Variants in CSMD1 observed in about 807,000 individuals in gnomAD.
CSMD1 encodes CUB and Sushi multiple domains 1, also known as CUB and sushi domain-containing protein 1.
CSMD1 carries 213 observed loss-of-function variants against 417.5 expected under a neutral mutation model. That is an observed-to-expected ratio of 0.51 (90% CI 0.46 to 0.57). The LOEUF (loss-of-function observed/expected upper bound fraction) is 0.57, where lower values mean the gene tolerates loss of function less well. CSMD1 is among the 20% of genes least tolerant of loss of function. CSMD1 has a pLI of 0.00. For synonymous variants in CSMD1, 2,862 were observed against 1,736.8 expected, an observed-to-expected ratio of 1.65 and a Z score of -16.11; for missense variants, 6,923 against 4,529.7, an observed-to-expected ratio of 1.53 and a Z score of -15.17.
intron 2 of CSMD1, among the ~76,000 whole-genome samples, chr8:4,582,633 C>T (rs1344884795): frequency 6.6e-6 from 1 of 152,204 alleles, no homozygotes; most frequent in Non-Finnish European, 1.5e-5. Context: ...TGGAAATGCA[C>T]CAGCCCTCAT....
intron 15 of CSMD1, among the ~76,000 whole-genome samples, chr8:3,401,715 G>A (rs1224254483): frequency 6.6e-6 from 1 of 151,826 alleles, no homozygotes; most frequent in African/African-American, 2.4e-5. Flanking sequence ...AAAGGTCTTA[G>A]GAAAGCAATC....
At chr8:3,936,841 G>C (rs867331984) in intron 5 of CSMD1, among the ~76,000 whole-genome samples, 1 of 152,152 alleles carries the variant, frequency 6.6e-6, no homozygotes, top group East Asian at 1.9e-4. Flanking sequence ...TGGAGAGTGA[G>C]TCCATTGATG....
chr8:4,139,317 C>T (rs117604837), intron 3 of CSMD1, among the ~76,000 whole-genome samples: 43,865 of 149,836 alleles, frequency 0.29, 8,087 homozygotes, highest in Non-Finnish European at 0.38. Context: ...TATACTTATA[C>T]GAAAATTTAT....
intron 11 of CSMD1, among the ~76,000 whole-genome samples, chr8:3,488,427 T>A (rs1444996243): frequency 6.6e-6 from 1 of 152,192 alleles, no homozygotes; most frequent in Non-Finnish European, 1.5e-5. Flanking sequence ...TCTTTTGACC[T>A]TTTACATTCA....
chr8:4,721,439 T>G (rs762991515), intron 1 of CSMD1, among the ~76,000 whole-genome samples: 2 of 152,150 alleles, frequency 1.3e-5, no homozygotes, highest in African/African-American at 4.8e-5. Context: ...TCTGAACAAT[T>G]TGAAATACAA....
intron 3 of CSMD1, among the ~76,000 whole-genome samples, chr8:4,186,874 T>C (rs1015419696): frequency 7.3e-5 from 11 of 150,720 alleles, no homozygotes; most frequent in African/African-American, 2.7e-4. Context: ...TGAGTGCCTG[T>C]AGTCCCAGCT....
intron 3 of CSMD1, among the ~76,000 whole-genome samples, chr8:4,075,887 T>C (rs1291098940): frequency 6.6e-6 from 1 of 152,164 alleles, no homozygotes; most frequent in Non-Finnish European, 1.5e-5. Context: ...GCCCAGAAAT[T>C]ATAATTGGAA....
At chr8:3,449,832 T>A (rs545926346) in intron 12 of CSMD1, among the ~76,000 whole-genome samples, 1 of 152,354 alleles carries the variant, frequency 6.6e-6, no homozygotes, top group Non-Finnish European at 1.5e-5. Context: ...GCAACATTTA[T>A]ATCCATATAA....
intron 7 of CSMD1, among the ~76,000 whole-genome samples, chr8:3,677,110 G>A (rs1799415267): frequency 6.6e-6 from 1 of 152,050 alleles, no homozygotes; most frequent in Non-Finnish European, 1.5e-5. Context: ...CATGACACAT[G>A]TAGTTCTATG....
chr8:3,017,596 C>T (rs1808953989), intron 52 of CSMD1, among the ~76,000 whole-genome samples: 1 of 152,032 alleles, frequency 6.6e-6, no homozygotes, highest in Non-Finnish European at 1.5e-5. Flanking sequence ...TAATGTTTCA[C>T]AGACAAGTGT....
intron 26 of CSMD1, among the ~76,000 whole-genome samples, chr8:3,282,527 T>A (rs551515924): frequency 5.3e-5 from 7 of 131,438 alleles, no homozygotes; most frequent in African/African-American, 1.4e-4. Context: ...TTCAAAAGAT[T>A]AAGAAAATTT....
At chr8:3,861,492 G>C (rs754313904) in intron 5 of CSMD1, among the ~76,000 whole-genome samples, 6 of 152,120 alleles carry the variant, frequency 3.9e-5, no homozygotes, top group African/African-American at 7.2e-5. Flanking sequence ...GACTCGTGAG[G>C]GCTGTGCCTT....
intron 3 of CSMD1, among the ~76,000 whole-genome samples, chr8:4,161,090 A>T (rs551981682): frequency 6.6e-6 from 1 of 150,520 alleles, no homozygotes; most frequent in African/African-American, 2.4e-5. Context: ...AATGTAAGAG[A>T]TACATTTCCA....
At chr8:3,616,681 C>T (rs557306693) in intron 8 of CSMD1, 29 bp downstream of exon 8, 13 of 1,391,102 alleles carry the variant, frequency 9.3e-6, no homozygotes, top group Admixed American at 3.5e-5. Context: ...AAATAACATG[C>T]TTTTTTCCAC....
intron 4 of CSMD1, among the ~76,000 whole-genome samples, chr8:4,021,389 G>A (rs1309839280): frequency 5.3e-5 from 8 of 152,164 alleles, no homozygotes; most frequent in Admixed American, 5.2e-4. Flanking sequence ...AACTTCATCT[G>A]TGGCTCACAT....
At chr8:2,982,842 T>C (rs916920225) in intron 54 of CSMD1, among the ~76,000 whole-genome samples, 2 of 152,134 alleles carry the variant, frequency 1.3e-5, no homozygotes, top group African/African-American at 4.8e-5. Flanking sequence ...CCAGGTTCCT[T>C]CTCCAGCTGT....
intron 10 of CSMD1, chr8:3,515,459 A>C (rs987047345): frequency 3.3e-5 from 5 of 152,078 alleles, no homozygotes; most frequent in Admixed American, 2.0e-4. Context: ...GCAAGAGAGG[A>C]ATACACACAA....
intron 2 of CSMD1, among the ~76,000 whole-genome samples, chr8:4,442,026 C>G (rs1032951198): frequency 6.6e-6 from 1 of 152,130 alleles, no homozygotes; most frequent in African/African-American, 2.4e-5. Flanking sequence ...TGTCCCCCCG[C>G]TTTTTTCTAA....
At chr8:3,634,556 C>G (rs1425998532) in intron 7 of CSMD1, among the ~76,000 whole-genome samples, 2 of 152,288 alleles carry the variant, frequency 1.3e-5, no homozygotes, top group East Asian at 1.9e-4. Context: ...TTTAAACTGT[C>G]TCTTTTCACT....
Sources: allele counts gnomAD v4.1 joint callset (sites outside exome capture counted in the v4.1 genomes callset), GRCh38; gene constraint gnomAD v4.1.1; transcripts MANE v1.5; gene names NCBI Gene and HGNC (gene_info 2026-07-23, HGNC 2026-07-21).